SEC22A: variants seen among roughly 807,000 people sequenced by gnomAD.
SEC22A encodes vesicle-trafficking protein SEC22a.
SEC22A carries 22 observed loss-of-function variants against 35.3 expected under a neutral mutation model. The ratio of observed to expected loss-of-function variants is 0.62; its 90% CI spans 0.45 to 0.89. SEC22A has a LOEUF of 0.89. Ranked by LOEUF, SEC22A falls within the 40% of genes least tolerant of loss-of-function variation. The pLI is 0.00. For synonymous variants in SEC22A, 119 were observed against 129.5 expected (o/e 0.92, Z 0.55); for missense variants, 354 against 362.5 (o/e 0.98, Z 0.19).
intron 4 of SEC22A, among the ~76,000 whole-genome samples, chr3:123,241,797 C>T (rs1407082109): frequency 6.6e-6 from 1 of 152,080 alleles, no homozygotes; most frequent in Non-Finnish European, 1.5e-5. Context: ...CAATGGAGTA[C>T]TGTTCATCCA....
rs181744337 is a variant in SEC22A, at chr3:123,208,381, T to G, written c.-19-818T>G. 22 of 152,360 alleles carry G rather than the reference T, an allele frequency of 1.4e-4. No individual in the cohort carries two copies. In the East Asian group the frequency reaches 3.5e-3, roughly 24 times the overall value. 9.4% of individuals were successfully genotyped at this position (152,360 alleles called of 1,614,324 possible). A position where few individuals can be genotyped will look rare whatever the true frequency, so the allele number is the denominator to read the frequency against. ...ATTTTTCTCAAGACAGGTATATATT[T>G]AAATTTATTGAGGTTAAAAGGTATG... On this transcript the variant is annotated intron_variant, in intron 1 of 6. Coordinates refer to ENST00000492595, the MANE Select transcript of SEC22A (RefSeq NM_012430.5).
intron 1 of SEC22A, chr3:123,208,850 A>G (rs963251501): frequency 1.3e-5 from 3 of 230,448 alleles, no homozygotes; most frequent in African/African-American, 2.3e-5. Flanking sequence ...GCTGGAGCTC[A>G]GTGACGCGAT....
chr3:123,226,526 A>G (rs1011324643), intron 4 of SEC22A, among the ~76,000 whole-genome samples: 2 of 152,076 alleles, frequency 1.3e-5, no homozygotes, highest in Admixed American at 6.6e-5. Flanking sequence ...TCTTTTGCCC[A>G]TTTTTTAATT....
At chr3:123,255,454 C>T (rs530592541) in intron 5 of SEC22A, among the ~76,000 whole-genome samples, 1 of 152,086 alleles carries the variant, frequency 6.6e-6, no homozygotes, top group South Asian at 2.1e-4. Flanking sequence ...TGAAAAAATA[C>T]ACATACATTT....
chr3:123,205,185 C>T (rs1190491386), intron 1 of SEC22A, among the ~76,000 whole-genome samples: 1 of 152,178 alleles, frequency 6.6e-6, no homozygotes, highest in Non-Finnish European at 1.5e-5. Flanking sequence ...TGACGTTGAT[C>T]ATTGGACATT....
intron 1 of SEC22A, chr3:123,208,772 G>T (rs1300578990): frequency 5.6e-6 from 1 of 178,136 alleles, no homozygotes; most frequent in Non-Finnish European, 1.2e-5. Context: ...GTGAAGCATA[G>T]TATGTTGTTT....
intron 4 of SEC22A, among the ~76,000 whole-genome samples, chr3:123,232,712 G>A (rs28429604): frequency 0.2 from 29,956 of 151,812 alleles, 3,059 homozygotes; most frequent in Middle Eastern, 0.28. Context: ...CTGTGAGGCC[G>A]GTATCATACT....
chr3:123,202,634 C>A (rs1936768977), intron 1 of SEC22A, among the ~76,000 whole-genome samples: 1 of 152,042 alleles, frequency 6.6e-6, no homozygotes, highest in African/African-American at 2.4e-5. Flanking sequence ...AAGGACAAGC[C>A]CCAGCTGGCT....
chr3:123,264,345 G>A (rs1487816120), intron 6 of SEC22A, among the ~76,000 whole-genome samples: 3 of 152,186 alleles, frequency 2.0e-5, no homozygotes, highest in Admixed American at 2.0e-4. Context: ...GAGTACAATT[G>A]CCAGATCATG....
intron 1 of SEC22A, among the ~76,000 whole-genome samples, chr3:123,204,490 G>A (rs1936814331): frequency 6.6e-6 from 1 of 152,104 alleles, no homozygotes; most frequent in Non-Finnish European, 1.5e-5. Context: ...TTACATGTTG[G>A]GCTTTGTTTA....
At chr3:123,212,140 G>A (rs574271219) in intron 2 of SEC22A, among the ~76,000 whole-genome samples, 2 of 152,234 alleles carry the variant, frequency 1.3e-5, no homozygotes, top group Non-Finnish European at 2.9e-5. Context: ...AATCATTCAC[G>A]TAGATGTGGT....
intron 1 of SEC22A, chr3:123,204,888 T>C (rs569228577): frequency 2.0e-5 from 3 of 152,264 alleles, no homozygotes; most frequent in Non-Finnish European, 4.4e-5. Flanking sequence ...AATCTTCCCA[T>C]GCAATTGTTG....
intron 5 of SEC22A, among the ~76,000 whole-genome samples, chr3:123,248,308 TA>T (rs1422186957): frequency 6.6e-6 from 1 of 152,216 alleles, no homozygotes; most frequent in East Asian, 1.9e-4. Flanking sequence ...AGGATATTGT[TA>T]ATTCTCTTTC....
chr3:123,257,558 G>C (rs1937760818), intron 5 of SEC22A, among the ~76,000 whole-genome samples: 1 of 152,158 alleles, frequency 6.6e-6, no homozygotes, highest in African/African-American at 2.4e-5. Flanking sequence ...AATTGGCCAG[G>C]CATGGTGATG....
intron 1 of SEC22A, chr3:123,208,513 A>G (rs1936884946): frequency 6.6e-6 from 1 of 152,094 alleles, no homozygotes; most frequent in African/African-American, 2.4e-5. Context: ...TTATTTTTTA[A>G]AAAGCTAATG....
intron 6 of SEC22A, among the ~76,000 whole-genome samples, chr3:123,261,353 G>A (rs971376252): frequency 1.3e-5 from 2 of 152,034 alleles, no homozygotes; most frequent in Non-Finnish European, 2.9e-5. Flanking sequence ...ATTTTTTAAA[G>A]TGAGAAAACG....
intron 6 of SEC22A, among the ~76,000 whole-genome samples, chr3:123,260,275 TA>T (rs1937860162): frequency 1.3e-5 from 2 of 150,780 alleles, no homozygotes; most frequent in South Asian, 4.2e-4. Context: ...AACAGCACAG[TA>T]AAAACAGGAT....
At chr3:123,263,192 T>C (rs369721720) in intron 6 of SEC22A, among the ~76,000 whole-genome samples, 1 of 152,264 alleles carries the variant, frequency 6.6e-6, no homozygotes, top group South Asian at 2.1e-4. Context: ...CAGAATGCTA[T>C]AAGAAAATAC....
chr3:123,248,600 G>A (rs564545326), intron 5 of SEC22A, among the ~76,000 whole-genome samples: 26 of 152,176 alleles, frequency 1.7e-4, no homozygotes, highest in Non-Finnish European at 3.2e-4. Flanking sequence ...AATAAATGGA[G>A]AGATATTCCA....
Sources: allele counts gnomAD v4.1 joint callset (sites outside exome capture counted in the v4.1 genomes callset), GRCh38; gene constraint gnomAD v4.1.1; transcripts MANE v1.5; gene names NCBI Gene and HGNC (gene_info 2026-07-23, HGNC 2026-07-21).